Variants in CSMD2 observed in about 807,000 individuals in gnomAD.
The protein encoded by CSMD2 is CUB and Sushi multiple domains 2.
In CSMD2, 130 loss-of-function variants were observed where a neutral mutation model predicts 398.5. The ratio of observed to expected loss-of-function variants is 0.33; its 90% CI spans 0.28 to 0.38. The LOEUF (loss-of-function observed/expected upper bound fraction) is 0.38. Ranked by LOEUF, CSMD2 falls within the 10% of genes least tolerant of loss-of-function variation. The pLI, the probability that CSMD2 is intolerant of heterozygous loss-of-function variation, is 1.00. For synonymous variants in CSMD2, 1,828 were observed against 1,908.5 expected (o/e 0.96, Z 1.10); for missense variants, 3,829 against 4,764.9 (o/e 0.80, Z 5.78).
chr1:34,062,156 G>T (rs750106413), intron 2 of CSMD2, among the ~76,000 whole-genome samples: 1 of 152,176 alleles, frequency 6.6e-6, no homozygotes, highest in Non-Finnish European at 1.5e-5. Flanking sequence ...ATCAGCAAGA[G>T]CACATTTTAC....
intron 13 of CSMD2, among the ~76,000 whole-genome samples, chr1:33,744,810 T>C (rs965116457): frequency 6.6e-6 from 1 of 151,958 alleles, no homozygotes; most frequent in African/African-American, 2.4e-5. Context: ...AAAGAAAAAA[T>C]ATAGAATCCA....
intron 1 of CSMD2, among the ~76,000 whole-genome samples, chr1:34,092,740 C>T (rs547934880): frequency 6.6e-6 from 1 of 152,356 alleles, no homozygotes; most frequent in South Asian, 2.1e-4. Context: ...ATATCCCGCA[C>T]CTGGCTCGGA....
intron 3 of CSMD2, among the ~76,000 whole-genome samples, chr1:34,017,276 A>C (rs980095970): frequency 6.6e-6 from 1 of 152,220 alleles, no homozygotes; most frequent in Non-Finnish European, 1.5e-5. Flanking sequence ...TTTCCATTGG[A>C]CATTGTTCTA....
intron 1 of CSMD2, among the ~76,000 whole-genome samples, chr1:34,098,915 A>C (rs1659678265): frequency 1.6e-5 from 2 of 124,358 alleles, no homozygotes; most frequent in Non-Finnish European, 3.3e-5. Flanking sequence ...ATATGTCAAC[A>C]ACAGAATATC....
chr1:33,617,517 C>T lies in CSMD2; in HGVS notation c.5928G>A (p.Glu1976=). The change falls in exon 38 of 71, where the codon GAG becomes GAA. Residue 1976 remains glutamate (E), a synonymous_variant. Coordinates refer to ENST00000373381, the MANE Select transcript of CSMD2 (RefSeq NM_001281956.2). ...GAGGTACCTGGAGGGCATATCCCGG[C>T]TCACACTGGAAAGACACCACATCAT... The part of the protein sequence containing the change: ...LVNDVVSFQC[E]PGYALQGHAH... 1.2e-6 allele frequency: 2 copies of T among 1,613,944 alleles called. No homozygotes were observed. The highest frequency in any genetic ancestry group is 4.5e-5 in the East Asian group (2 of 44,862).
At chr1:33,590,981 C>CTTTTTTTTTTT (rs11374822) in intron 44 of CSMD2, among the ~76,000 whole-genome samples, 107 of 67,160 alleles carry the variant, frequency 1.6e-3, no homozygotes, top group Non-Finnish European at 1.7e-3. Context: ...TTTTATTTAT[C>CTTTTTTTTTTT]TTTTTTTTTT....
chr1:33,799,871 G>T (rs1393712008), intron 10 of CSMD2, among the ~76,000 whole-genome samples: 6 of 152,340 alleles, frequency 3.9e-5, no homozygotes, highest in Non-Finnish European at 8.8e-5. Context: ...TTAAGCTTCT[G>T]CAGAGGAATT....
chr1:33,768,536 A>ATGTGTGTGTGTGTGTG (rs60273744), intron 13 of CSMD2, among the ~76,000 whole-genome samples: 2 of 142,158 alleles, frequency 1.4e-5, no homozygotes, highest in East Asian at 4.1e-4. Flanking sequence ...GTGTGCGTGC[A>ATGTGTGTGTGTGTGTG]TGTGTGTGTG....
intron 3 of CSMD2, among the ~76,000 whole-genome samples, chr1:34,005,156 T>C (rs996103463): frequency 2.6e-5 from 4 of 152,012 alleles, no homozygotes; most frequent in African/African-American, 9.7e-5. Context: ...CTTCCCAGAG[T>C]AATAGGAAGA....
intron 40 of CSMD2, among the ~76,000 whole-genome samples, chr1:33,611,611 AAAAATAACACCCCCAATACTTAATC>A (rs1293802140): frequency 6.6e-6 from 1 of 152,208 alleles, no homozygotes; most frequent in East Asian, 1.9e-4. Context: ...CTTTTCATTT[AAAAATAACACCCCCAATACTTAATC>A]AAAAGACAAG....
intron 3 of CSMD2, among the ~76,000 whole-genome samples, chr1:33,942,193 C>A (rs560994028): frequency 6.6e-6 from 1 of 152,196 alleles, no homozygotes; most frequent in Non-Finnish European, 1.5e-5. Context: ...TCCAAGGCCA[C>A]GTAGCTCACT....
intron 9 of CSMD2, among the ~76,000 whole-genome samples, chr1:33,819,241 T>C (rs538077659): frequency 2.0e-4 from 31 of 152,028 alleles, no homozygotes; most frequent in Non-Finnish European, 4.0e-4. Flanking sequence ...AGATAGGGGG[T>C]TAGAAGCATG....
At chr1:34,109,914 G>A (rs1483682543) in intron 1 of CSMD2, among the ~76,000 whole-genome samples, 6 of 151,598 alleles carry the variant, frequency 4.0e-5, no homozygotes, top group Admixed American at 6.6e-5. Context: ...GGTGGTGTGC[G>A]CCTGTAATCC....
intron 44 of CSMD2, among the ~76,000 whole-genome samples, chr1:33,595,946 A>C (rs1639809206): frequency 6.6e-6 from 1 of 152,310 alleles, no homozygotes; most frequent in Non-Finnish European, 1.5e-5. Flanking sequence ...ATGTACTCAA[A>C]CATGCCCCAC....
At chr1:33,602,811 A>T (rs1241283517) in intron 42 of CSMD2, among the ~76,000 whole-genome samples, 1 of 152,174 alleles carries the variant, frequency 6.6e-6, no homozygotes, top group Non-Finnish European at 1.5e-5. Context: ...CTTTCTTATG[A>T]AGAGAACTGC....
At chr1:33,647,755 C>T (rs1643532992) in intron 28 of CSMD2, among the ~76,000 whole-genome samples, 1 of 152,264 alleles carries the variant, frequency 6.6e-6, no homozygotes, top group East Asian at 1.9e-4. Context: ...TGATGCTTTA[C>T]AAAAAGTTTA....
chr1:34,048,903 AG>A (rs1242783116), intron 2 of CSMD2, among the ~76,000 whole-genome samples: 15 of 152,070 alleles, frequency 9.9e-5, no homozygotes, highest in African/African-American at 3.4e-4. Flanking sequence ...CTTGGAAGGG[AG>A]GGTCAGGCAC....
intron 5 of CSMD2, among the ~76,000 whole-genome samples, chr1:33,853,168 A>G (rs1223584634): frequency 1.3e-5 from 2 of 152,240 alleles, no homozygotes; most frequent in Non-Finnish European, 2.9e-5. Context: ...CCCTTTGATC[A>G]TGGGTTTGTT....
intron 4 of CSMD2, among the ~76,000 whole-genome samples, chr1:33,922,150 C>T (rs1295394625): frequency 1.3e-5 from 2 of 152,118 alleles, no homozygotes; most frequent in African/African-American, 4.8e-5. Flanking sequence ...GGGGAATAAA[C>T]AGATGGGGAT....
Sources: allele counts gnomAD v4.1 joint callset (sites outside exome capture counted in the v4.1 genomes callset), GRCh38; gene constraint gnomAD v4.1.1; transcripts MANE v1.5; gene names NCBI Gene and HGNC (gene_info 2026-07-23, HGNC 2026-07-21).